LTBP1: variants seen among roughly 807,000 people sequenced by gnomAD.
LTBP1 encodes the protein latent transforming growth factor beta binding protein 1.
LTBP1 carries 129 observed loss-of-function variants against 207.6 expected under a neutral mutation model. The observed-to-expected ratio is 0.62, with a 90% CI of 0.54 to 0.72. LTBP1 has a LOEUF of 0.72. LTBP1 is among the 30% of genes least tolerant of loss of function. LTBP1 has a pLI of 0.00. For missense variants in LTBP1, 2,281 were observed against 2,217.2 expected (o/e 1.03, Z -0.58); for synonymous variants, 963 against 833.7 (o/e 1.16, Z -2.67).
chr2:33,292,300 T>G (rs916029226), intron 19 of LTBP1, among the ~76,000 whole-genome samples: 1 of 152,274 alleles, frequency 6.6e-6, no homozygotes, highest in Non-Finnish European at 1.5e-5. Context: ...AATTCATACA[T>G]TCTCTCTTTC....
At chr2:33,036,455 C>T (rs959564872) in intron 3 of LTBP1, among the ~76,000 whole-genome samples, 5 of 127,584 alleles carry the variant, frequency 3.9e-5, no homozygotes, top group Non-Finnish European at 5.4e-5. Flanking sequence ...TCATGATGAA[C>T]GTTTTTTTTT....
At chr2:33,308,564 T>C (rs1001262970) in intron 22 of LTBP1, among the ~76,000 whole-genome samples, 4 of 152,198 alleles carry the variant, frequency 2.6e-5, no homozygotes, top group Non-Finnish European at 5.9e-5. Context: ...TTTTAAACTT[T>C]ATGATATTCT....
At chr2:33,261,209 T>C (rs996608455) in intron 13 of LTBP1, among the ~76,000 whole-genome samples, 1 of 152,098 alleles carries the variant, frequency 6.6e-6, no homozygotes, top group South Asian at 2.1e-4. Flanking sequence ...GTAGAAGTGG[T>C]GTAGATTAGG....
At chr2:33,361,943 T>C (rs2094932009) in intron 28 of LTBP1, among the ~76,000 whole-genome samples, 1 of 152,190 alleles carries the variant, frequency 6.6e-6, no homozygotes, top group Non-Finnish European at 1.5e-5. Context: ...CTAAGGTTCT[T>C]GTATTTTTAG....
At chr2:33,363,294 A>G in intron 28 of LTBP1, 96 bp from the exon 29 acceptor site, 1 of 1,195,300 alleles carries the variant, frequency 8.4e-7, no homozygotes, top group Admixed American at 2.2e-5. Context: ...TAAATATTAT[A>G]ATATCTAACT....
chr2:33,257,622 C>T, intron 12 of LTBP1, 111 bp downstream of exon 12: 1 of 847,138 alleles, frequency 1.2e-6, no homozygotes, highest in South Asian at 1.7e-5. Context: ...GCACTATTGG[C>T]ATTTTAGAGT....
intron 3 of LTBP1, among the ~76,000 whole-genome samples, chr2:33,096,745 T>C (rs2079417892): frequency 1.3e-5 from 2 of 152,208 alleles, no homozygotes; most frequent in South Asian, 4.1e-4. Flanking sequence ...AGATCACATA[T>C]GAGAGTGACA....
chr2:33,147,711 G>A (rs1312050671), intron 5 of LTBP1, among the ~76,000 whole-genome samples: 1 of 152,218 alleles, frequency 6.6e-6, no homozygotes, highest in East Asian at 1.9e-4. Context: ...GCTTAAGCCT[G>A]TGGAAAACTC....
At chr2:33,067,624 T>G (rs1268611289) in intron 3 of LTBP1, among the ~76,000 whole-genome samples, 1 of 152,256 alleles carries the variant, frequency 6.6e-6, no homozygotes, top group Non-Finnish European at 1.5e-5. Context: ...CAATACAGTA[T>G]AACAACTATT....
intron 10 of LTBP1, among the ~76,000 whole-genome samples, chr2:33,244,098 G>A (rs2092428737): frequency 6.6e-6 from 1 of 152,106 alleles, no homozygotes; most frequent in Admixed American, 6.5e-5. Context: ...AAACTTTTTT[G>A]GTACCTGAGA....
In LTBP1 at chr2:33,257,486, CG is replaced by C; in HGVS notation, c.2373del (p.Pro792GlnfsTer49). On this transcript the variant is annotated frameshift_variant, in exon 12 of 34. Transcript: ENST00000404816. LOFTEE classifies it high-confidence loss of function. ...AGGCCCTGACCTTCTCCCGGGAACA[CG>C]GGCCAGGAGTGGCGGAGCCAGAAGG... is the stretch of plus-strand genomic sequence containing the variant. ...VEALTFSREHGPGVAEPEVAT... is the reference protein window; with the variant it reads ...VEALTFSREHXPGVAEPEVAT... The C allele has an allele frequency of 1.9e-6, 3 of 1,614,142 alleles. No homozygotes were observed. The highest frequency in any genetic ancestry group is 2.5e-6 in the Non-Finnish European group (3 of 1,179,974).
intron 24 of LTBP1, among the ~76,000 whole-genome samples, chr2:33,315,954 T>C (rs1179577524): frequency 1.3e-5 from 2 of 152,164 alleles, no homozygotes; most frequent in Non-Finnish European, 2.9e-5. Flanking sequence ...AAAAAAAGAA[T>C]GTCTTGCTTG....
In LTBP1 at chr2:33,122,894, GATA is replaced by G. The variant is rs200638507; in HGVS notation, c.1034-11896_1034-11894del. ...CGCAGTTGAACATCCTGTTGCTTGA[GATA>G]ATGTGCACCCCCTTGTTTTGTAGGC... On this transcript the variant is annotated intron_variant, in intron 4 of 33. Transcript: ENST00000404816. Among the ~76,000 whole-genome samples, 10 of 152,250 alleles carry G rather than the reference GATA, an allele frequency of 6.6e-5. No individual in the cohort carries two copies. In the East Asian group the frequency reaches 1.9e-3, roughly 29 times the overall value.
At chr2:33,055,452 C>G (rs1558572245) in intron 3 of LTBP1, among the ~76,000 whole-genome samples, 1 of 152,142 alleles carries the variant, frequency 6.6e-6, no homozygotes, top group Non-Finnish European at 1.5e-5. Flanking sequence ...GTTTACAACT[C>G]CAGTCCCCAT....
At chr2:33,193,706 A>G (rs563564182) in intron 7 of LTBP1, among the ~76,000 whole-genome samples, 49 of 152,104 alleles carry the variant, frequency 3.2e-4, no homozygotes, top group Non-Finnish European at 5.9e-4. Flanking sequence ...TCATTGTTGT[A>G]TCTGTTATGG....
chr2:33,082,432 C>CTTTTT lies in LTBP1; in HGVS notation c.864-28120_864-28116dup, dbSNP rs56058653. On this transcript the variant is annotated intron_variant, in intron 3 of 33. Transcript: ENST00000404816. ...TTAACCGTGGCTAAAGTATGACTCA[C>CTTTTT]TTTTTTTTTTTTTTTTTTTTTTTTT... Among the ~76,000 whole-genome samples, 4 of 29,350 alleles carry CTTTTT rather than the reference C, an allele frequency of 1.4e-4. 1 individual carries two copies. The highest frequency in any genetic ancestry group is 4.4e-4 in the African/African-American group (4 of 9,166). The allele number at this position is 29,350 out of a possible 152,430, so 19.3% of individuals were successfully genotyped here.
intron 10 of LTBP1, 31 bp from the exon 11 acceptor site, chr2:33,252,646 T>C: frequency 6.3e-7 from 1 of 1,579,216 alleles, no homozygotes; most frequent in Non-Finnish European, 8.6e-7. Flanking sequence ...TGGTTTCTCA[T>C]GTAATGTCGG....
chr2:33,169,341 C>G (rs1230065657), intron 5 of LTBP1, among the ~76,000 whole-genome samples: 4 of 152,154 alleles, frequency 2.6e-5, no homozygotes, highest in Non-Finnish European at 5.9e-5. Flanking sequence ...ATGTCTCTCT[C>G]CCCCTCTGAA....
chr2:33,182,143 G>A (rs1437177930), intron 5 of LTBP1, among the ~76,000 whole-genome samples: 1 of 152,110 alleles, frequency 6.6e-6, no homozygotes, highest in Non-Finnish European at 1.5e-5. Context: ...AAGTCAAGCA[G>A]AAACCATTTC....
Sources: gnomAD v4.1 joint callset for allele counts (sites outside exome capture counted in the v4.1 genomes callset) on GRCh38, gnomAD v4.1.1 for gene constraint, MANE v1.5 for transcripts, NCBI Gene and HGNC (gene_info 2026-07-23, HGNC 2026-07-21) for gene names.